Variants in DMD observed in about 807,000 individuals in gnomAD.
DMD encodes mutant dystrophin.
In DMD, 63 loss-of-function variants were observed where a neutral mutation model predicts 330.1. The observed-to-expected ratio is 0.19, with a 90% CI of 0.16 to 0.24. DMD has a LOEUF of 0.24. Among genes scored for constraint, DMD ranks in the 10% least tolerant of loss-of-function variants. The probability of loss-of-function intolerance (pLI) is 1.00; values close to 1 mark genes in which losing one functional copy is unlikely to be tolerated. For missense variants in DMD, 3,344 were observed against 2,684.1 expected (o/e 1.25, Z -5.43); for synonymous variants, 1,223 against 959.8 (o/e 1.27, Z -5.07).
At chrX:31,868,516 G>A in intron 48 of DMD, among the ~76,000 whole-genome samples, 1 of 111,531 alleles carries the variant, frequency 9.0e-6, no homozygotes, top group East Asian at 2.8e-4. Context: ...ATATAACCAA[G>A]GCTTTGACTG....
intron 41 of DMD, among the ~76,000 whole-genome samples, chrX:32,335,575 TACATA>T (rs752730270): frequency 7.6e-5 from 8 of 105,935 alleles, no homozygotes; most frequent in East Asian, 5.9e-4. Context: ...ACATGTTATA[TACATA>T]ACATGTGTAT....
intron 1 of DMD, among the ~76,000 whole-genome samples, chrX:33,183,747 A>G (rs748328200): frequency 1.8e-5 from 2 of 110,252 alleles, no homozygotes; most frequent in African/African-American, 6.6e-5. Context: ...TTCATTTCTT[A>G]TCTCTAGACC....
chrX:31,453,765 CA>C (rs760511403), intron 59 of DMD, among the ~76,000 whole-genome samples: 140 of 8,982 alleles, frequency 0.016, 1 homozygote, highest in African/African-American at 0.067. Flanking sequence ...AAAAAACAAG[CA>C]AAAAAAAAAA....
intron 4 of DMD, among the ~76,000 whole-genome samples, chrX:32,825,105 CT>C (rs1263134749): frequency 2.7e-5 from 3 of 111,711 alleles, no homozygotes; most frequent in Non-Finnish European, 5.6e-5. Context: ...AAACTTAATT[CT>C]AGTGATAGTG....
intron 7 of DMD, among the ~76,000 whole-genome samples, chrX:32,784,028 G>C (rs60717971): frequency 9.2e-6 from 1 of 109,145 alleles, no homozygotes; most frequent in Non-Finnish European, 1.9e-5. Context: ...ATACACACCT[G>C]GAACTCATCT....
chrX:32,444,718 G>C (rs1452119900), intron 27 of DMD, among the ~76,000 whole-genome samples: 1 of 111,028 alleles, frequency 9.0e-6, no homozygotes, highest in Non-Finnish European at 1.9e-5. Context: ...TAAACAGAGA[G>C]AGCTGACGGA....
At chrX:32,337,519 A>AT (rs955302958) in intron 41 of DMD, among the ~76,000 whole-genome samples, 5 of 109,069 alleles carry the variant, frequency 4.6e-5, no homozygotes, top group Non-Finnish European at 1.9e-5. Context: ...TTTTTTTTGT[A>AT]TTTTTTTGCT....
At chrX:32,678,231 G>C (rs1395455261) in intron 9 of DMD, among the ~76,000 whole-genome samples, 1 of 112,256 alleles carries the variant, frequency 8.9e-6, no homozygotes, top group Non-Finnish European at 1.9e-5. Flanking sequence ...ATGGTTATTT[G>C]ATAAATCTGT....
At chrX:31,656,641 T>C (rs935831716) in intron 54 of DMD, among the ~76,000 whole-genome samples, 11 of 112,315 alleles carry the variant, frequency 9.8e-5, no homozygotes, top group African/African-American at 3.6e-4. Flanking sequence ...ATGTGAATAA[T>C]TCTTCCTGAA....
At chrX:32,767,409 A>G (rs2073113908) in intron 7 of DMD, among the ~76,000 whole-genome samples, 1 of 111,888 alleles carries the variant, frequency 8.9e-6, no homozygotes, top group South Asian at 3.7e-4. Flanking sequence ...ATCATACTCC[A>G]AAATTGACCA....
At chrX:31,718,400 G>C (rs1335328565) in intron 52 of DMD, among the ~76,000 whole-genome samples, 1 of 110,947 alleles carries the variant, frequency 9.0e-6, no homozygotes, top group Non-Finnish European at 1.9e-5. Context: ...AGGCCTAGTG[G>C]AACTCTCAAT....
intron 60 of DMD, among the ~76,000 whole-genome samples, chrX:31,365,346 T>A (rs1258548063): frequency 2.7e-5 from 3 of 111,680 alleles, no homozygotes; most frequent in Non-Finnish European, 5.6e-5. Context: ...TTATAAAGTA[T>A]GCCCATTTCA....
At chrX:32,074,805 C>T (rs1347986239) in intron 44 of DMD, among the ~76,000 whole-genome samples, 1 of 108,200 alleles carries the variant, frequency 9.2e-6, no homozygotes, top group Non-Finnish European at 1.9e-5. Flanking sequence ...CAATCAGATT[C>T]CAGATGGACC....
chrX:32,588,958 G>T (rs770478087), intron 13 of DMD, among the ~76,000 whole-genome samples: 40 of 111,457 alleles, frequency 3.6e-4, no homozygotes, highest in Non-Finnish European at 5.8e-4. Flanking sequence ...GTTTCATCTT[G>T]TTGAGTTTGA....
intron 1 of DMD, among the ~76,000 whole-genome samples, chrX:33,328,744 G>A (rs1026152849): frequency 1.8e-5 from 2 of 111,166 alleles, no homozygotes; most frequent in Non-Finnish European, 1.9e-5. Context: ...CTTTTATTAC[G>A]TATCTGGCCT....
chrX:31,513,439 A>T (rs1310560096), intron 55 of DMD, among the ~76,000 whole-genome samples: 1 of 110,190 alleles, frequency 9.1e-6, no homozygotes, highest in African/African-American at 3.3e-5. Context: ...TAAAGACTAC[A>T]CCTCAGACTC....
chrX:32,065,284 C>G lies in DMD; in HGVS notation c.6439-96770G>C, dbSNP rs750581448. On this transcript the variant is annotated intron_variant, in intron 44 of 78. Transcript: ENST00000357033. ...AAAGTTTTGTTTCTCCTTGTCAGTGCTATGTGAACATATATAATTGCTTTC... is the reference window on the plus strand; with the variant it reads ...AAAGTTTTGTTTCTCCTTGTCAGTGGTATGTGAACATATATAATTGCTTTC... 2.5e-3 allele frequency among the ~76,000 whole-genome samples: 283 copies of G among 111,262 alleles called. 2 individuals carry two copies. The highest frequency in any genetic ancestry group is 8.8e-3 in the African/African-American group (271 of 30,747).
intron 3 of DMD, among the ~76,000 whole-genome samples, chrX:32,848,161 G>A (rs1233099970): frequency 8.9e-6 from 1 of 111,986 alleles, no homozygotes; most frequent in Non-Finnish European, 1.9e-5. Flanking sequence ...AGAGACAACA[G>A]CCTCCTAACA....
chrX:32,444,512 A>C (rs893053467), intron 27 of DMD, among the ~76,000 whole-genome samples: 7 of 111,422 alleles, frequency 6.3e-5, no homozygotes, highest in Non-Finnish European at 1.1e-4. Flanking sequence ...GGTAGAATCC[A>C]TACCTTATGA....
Sources: allele counts gnomAD v4.1 joint callset (sites outside exome capture counted in the v4.1 genomes callset), GRCh38; gene constraint gnomAD v4.1.1; transcripts MANE v1.5; gene names NCBI Gene and HGNC (gene_info 2026-07-23, HGNC 2026-07-21).